The following PTPRJ variants were observed in gnomAD, a reference collection of about 807,000 sequenced individuals.
PTPRJ encodes the protein protein tyrosine phosphatase receptor type J, also known as receptor-type tyrosine-protein phosphatase eta.
In PTPRJ, 129 loss-of-function variants were observed where a neutral mutation model predicts 141.3. The ratio of observed to expected loss-of-function variants is 0.91; its 90% CI spans 0.79 to 1.06. The LOEUF is 1.06. PTPRJ is among the 50% of genes least tolerant of loss of function. The pLI, the probability that PTPRJ is intolerant of heterozygous loss-of-function variation, is 0.00. For synonymous variants in PTPRJ, 610 were observed against 640.5 expected (o/e 0.95, Z 0.72); for missense variants, 1,601 against 1,679.7 (o/e 0.95, Z 0.82).
At chr11:48,082,287 G>T (rs1348319330) in intron 1 of PTPRJ, among the ~76,000 whole-genome samples, 5 of 152,114 alleles carry the variant, frequency 3.3e-5, no homozygotes. Flanking sequence ...CCAGGCTGGA[G>T]GCTGAAGTGC....
At chr11:48,080,479 A>G (rs906716708) in intron 1 of PTPRJ, among the ~76,000 whole-genome samples, 2 of 152,182 alleles carry the variant, frequency 1.3e-5, no homozygotes, top group Non-Finnish European at 2.9e-5. Flanking sequence ...TCCAGAGCCA[A>G]TGTTCTTAGC....
chr11:48,147,136 G>A (rs1857372845), intron 15 of PTPRJ, among the ~76,000 whole-genome samples, 173 bp downstream of exon 15: 3 of 152,162 alleles, frequency 2.0e-5, no homozygotes, highest in Admixed American at 1.3e-4. Flanking sequence ...CCAGCTGGGC[G>A]ATGTTAATGT....
chr11:48,118,988 C>G (rs1305432230), intron 3 of PTPRJ, among the ~76,000 whole-genome samples: 3 of 141,872 alleles, frequency 2.1e-5, no homozygotes, highest in Non-Finnish European at 3.0e-5. Flanking sequence ...CCACTACACT[C>G]CAGTCTGGGT....
intron 1 of PTPRJ, among the ~76,000 whole-genome samples, chr11:48,051,171 C>T (rs1449254480): frequency 7.7e-6 from 1 of 129,760 alleles, no homozygotes; most frequent in African/African-American, 2.9e-5. Context: ...TCTTGGCTTA[C>T]TGCAACCTCT....
chr11:48,106,742 T>G (rs977332790), intron 1 of PTPRJ, among the ~76,000 whole-genome samples: 22 of 150,686 alleles, frequency 1.5e-4, no homozygotes, highest in African/African-American at 5.4e-4. Flanking sequence ...TTTTTTCTTC[T>G]TTTCTTTTCT....
At chr11:47,981,034 G>A in intron 1 of PTPRJ, 26 bp downstream of exon 1, 1 of 1,212,178 alleles carries the variant, frequency 8.2e-7, no homozygotes, top group Non-Finnish European at 1.0e-6. Flanking sequence ...GCTCGGGCGG[G>A]GGGCAGGAGG....
At chr11:48,052,446 C>T (rs1021235011) in intron 1 of PTPRJ, among the ~76,000 whole-genome samples, 5 of 152,210 alleles carry the variant, frequency 3.3e-5, no homozygotes, top group African/African-American at 1.2e-4. Context: ...TTGCTTTAGC[C>T]TGGAATGCAG....
chr11:48,046,146 A>T (rs1402542463), intron 1 of PTPRJ: 1 of 152,140 alleles, frequency 6.6e-6, no homozygotes, highest in Non-Finnish European at 1.5e-5. Context: ...TCCCAGGCTC[A>T]GGTGATTCTC....
At chr11:48,155,723 A>ATT in intron 19 of PTPRJ, 78 bp from the exon 20 acceptor site, 2 of 1,262,016 alleles carry the variant, frequency 1.6e-6, no homozygotes, top group Non-Finnish European at 1.1e-6. Context: ...TTTGAATTTC[A>ATT]TTTTTTTTTC....
intron 1 of PTPRJ, among the ~76,000 whole-genome samples, chr11:48,099,446 C>A (rs974290203): frequency 5.3e-5 from 8 of 152,174 alleles, no homozygotes; most frequent in African/African-American, 1.7e-4. Context: ...GCTGGTTTCG[C>A]AGTACAAGGG....
At chr11:48,051,808 A>G (rs1353606581) in intron 1 of PTPRJ, among the ~76,000 whole-genome samples, 1 of 152,242 alleles carries the variant, frequency 6.6e-6, no homozygotes, top group African/African-American at 2.4e-5. Context: ...TTCAGGAGTC[A>G]GACTTCCTGG....
chr11:47,981,072 C>T, intron 1 of PTPRJ, 64 bp downstream of exon 1: 1 of 1,197,600 alleles, frequency 8.4e-7, no homozygotes, highest in African/African-American at 1.6e-5. Context: ...TTGACTGCAC[C>T]TGCCCGAGCG....
At chr11:48,079,258 G>A (rs1371578502) in intron 1 of PTPRJ, among the ~76,000 whole-genome samples, 1 of 152,054 alleles carries the variant, frequency 6.6e-6, no homozygotes, top group Admixed American at 6.6e-5. Flanking sequence ...CGGGCCATGG[G>A]TTGGCCAAGC....
Position 48,156,002 on chromosome 11 carries a change from A to G in PTPRJ, c.3321A>G (p.Lys1107=), listed in dbSNP as rs778108293. Residue 1107 remains lysine (K), a synonymous_variant, in exon 21 of 25, where the codon AAA becomes AAG. Coordinates refer to ENST00000418331, the MANE Select transcript of PTPRJ (RefSeq NM_002843.4). ...ATTTTTAGGGCTACCACTCCAAGAAAGATTTTATTGCCACACAAGGACCTT... is the reference window on the plus strand; with the variant it reads ...ATTTTTAGGGCTACCACTCCAAGAAGGATTTTATTGCCACACAAGGACCTT... ...ANYMPGYHSK[K]DFIATQGPLP... is the part of the protein sequence containing the mutation. 18 of 1,610,890 alleles carry G rather than the reference A, an allele frequency of 1.1e-5. No individual in the cohort carries two copies. The highest frequency in any genetic ancestry group is 1.7e-5 in the Admixed American group (1 of 59,964).
chr11:48,093,503 A>G (rs987600890), intron 1 of PTPRJ, among the ~76,000 whole-genome samples: 3 of 152,204 alleles, frequency 2.0e-5, no homozygotes, highest in Non-Finnish European at 4.4e-5. Flanking sequence ...TATTTAATGG[A>G]GATGAATTGT....
chr11:48,137,239 G>A lies in PTPRJ; in HGVS notation c.2110G>A (p.Gly704Arg), dbSNP rs766324286. 3 of 1,613,860 alleles carry A rather than the reference G, an allele frequency of 1.9e-6. No homozygotes were observed. The highest frequency in any genetic ancestry group is 1.7e-5 in the Admixed American group (1 of 59,996). The change falls in exon 10 of 25, where the codon GGG (glycine) becomes AGG (arginine). Residue 704 changes from glycine to arginine, a missense_variant. Gly to Arg is a moderately radical substitution (Grantham distance 125). Transcript: ENST00000418331. ...GGAGATCTTTGCACAAGTAGGGGAT[G>A]GGATCAAGTCACTGGAACCTGGCCG... ...TVEIFAQVGD[G>R]IKSLEPGRKS...
intron 1 of PTPRJ, among the ~76,000 whole-genome samples, chr11:48,015,300 C>T (rs1195309889): frequency 5.3e-5 from 8 of 151,984 alleles, no homozygotes; most frequent in Admixed American, 1.3e-4. Flanking sequence ...CACCGAGAAG[C>T]GTGTGGCTCA....
chr11:48,110,999 G>A (rs537316161), intron 2 of PTPRJ, among the ~76,000 whole-genome samples: 3 of 152,148 alleles, frequency 2.0e-5, no homozygotes, highest in South Asian at 2.1e-4. Context: ...ATTGAAGGCC[G>A]GGCCTGGTGG....
At chr11:48,143,927 C>T (rs1301764711) in intron 12 of PTPRJ, among the ~76,000 whole-genome samples, 1 of 151,296 alleles carries the variant, frequency 6.6e-6, no homozygotes, top group East Asian at 1.9e-4. Flanking sequence ...CCATGTTGCC[C>T]AGGCTGGTCT....
Sources: gnomAD v4.1 joint callset for allele counts (sites outside exome capture counted in the v4.1 genomes callset) on GRCh38, gnomAD v4.1.1 for gene constraint, MANE v1.5 for transcripts, NCBI Gene and HGNC (gene_info 2026-07-23, HGNC 2026-07-21) for gene names.